Variants in EPM2A observed in about 807,000 individuals in gnomAD.
EPM2A encodes the protein laforin.
In EPM2A, 21 loss-of-function variants were observed where a neutral mutation model predicts 26.5. That is an observed-to-expected ratio of 0.79 (90% CI 0.56 to 1.14). EPM2A has a LOEUF of 1.14. EPM2A is among the 50% of genes most tolerant of loss of function. The pLI, the probability that EPM2A is intolerant of heterozygous loss-of-function variation, is 0.00. For synonymous variants in EPM2A, 217 were observed against 177.6 expected (o/e 1.22, Z -1.76); for missense variants, 458 against 440.8 (o/e 1.04, Z -0.35).
intron 2 of EPM2A, among the ~76,000 whole-genome samples, chr6:145,676,286 G>A (rs1780031544): frequency 6.6e-6 from 1 of 152,140 alleles, no homozygotes; most frequent in South Asian, 2.1e-4. Context: ...AGTGTGTAGA[G>A]GGAAATTTAT....
At chr6:145,721,670 ACTCT>A (rs1775956641) in intron 1 of EPM2A, 1 of 152,078 alleles carries the variant, frequency 6.6e-6, no homozygotes, top group Non-Finnish European at 1.5e-5. Flanking sequence ...ATGAGCATTC[ACTCT>A]CATTCATTCA....
chr6:145,578,435 A>T (rs1463389785), intron 2 of EPM2A, among the ~76,000 whole-genome samples: 1 of 152,212 alleles, frequency 6.6e-6, no homozygotes, highest in Non-Finnish European at 1.5e-5. Context: ...ACATTGAGAA[A>T]CCTAGAAGAA....
Position 145,661,647 on chromosome 6 carries a change from A to G in EPM2A, c.476+24475T>C, listed in dbSNP as rs569343752. ...TTTCAGTAGGAAATAGTGTTAAACA[A>G]TCTCATGAAAAAGATTTTGAAACTA... On this transcript the variant is annotated intron_variant, in intron 2 of 3. Transcript: ENST00000367519. 1.8e-4 allele frequency among the ~76,000 whole-genome samples: 27 copies of G among 152,352 alleles called. 1 individual carries two copies. Among genetic ancestry groups the G allele is most frequent in the African/African-American group, 5.8e-4 (24 of 41,592 alleles).
intron 4 of EPM2A, among the ~76,000 whole-genome samples, chr6:145,477,949 A>G (rs907289123): frequency 2.0e-5 from 3 of 151,934 alleles, no homozygotes; most frequent in Non-Finnish European, 2.9e-5. Context: ...AAAAAGAGAA[A>G]GATATAAAGG....
chr6:145,729,376 C>T (rs1054960564), intron 1 of EPM2A, among the ~76,000 whole-genome samples: 1 of 152,228 alleles, frequency 6.6e-6, no homozygotes, highest in South Asian at 2.1e-4. Flanking sequence ...ACACTCAATA[C>T]CAGCTCATGA....
chr6:145,559,632 A>G (rs1780777209), intron 2 of EPM2A, among the ~76,000 whole-genome samples: 1 of 151,254 alleles, frequency 6.6e-6, no homozygotes, highest in Non-Finnish European at 1.5e-5. Flanking sequence ...CTTCTTCACA[A>G]TTTTGCCTAT....
chr6:145,653,435 G>A (rs1778035554), intron 2 of EPM2A, among the ~76,000 whole-genome samples: 1 of 152,164 alleles, frequency 6.6e-6, no homozygotes, highest in South Asian at 2.1e-4. Flanking sequence ...GGAACTGTGA[G>A]TCAATTAAAC....
At chr6:145,627,843 A>G in intron 3 of EPM2A, 150 bp from the exon 4 acceptor site, 2 of 1,121,852 alleles carry the variant, frequency 1.8e-6, no homozygotes, top group African/African-American at 1.6e-5. Context: ...TGTGAAGGAA[A>G]AAGTGAGACC....
Position 145,649,700 on chromosome 6 carries a change from C to T in EPM2A, c.477-14214G>A, listed in dbSNP as rs373989148. On this transcript the variant is annotated intron_variant, in intron 2 of 3. Transcript: ENST00000367519. ...TAGCTCATGGGCCAAATTCAGTCTT[C>T]CACCTATTTTTGTAAATAAAGTTTT... Among the ~76,000 whole-genome samples the T allele has an allele frequency of 1.1e-4, 17 of 152,302 alleles. No individual in the cohort carries two copies. The South Asian group carries it at 3.5e-3, about 32-fold the overall frequency.
At chr6:145,680,241 T>C (rs1370055261) in intron 2 of EPM2A, 1 of 151,784 alleles carries the variant, frequency 6.6e-6, no homozygotes, top group Non-Finnish European at 1.5e-5. Flanking sequence ...AACACATGTT[T>C]AAAGAATTGG....
At chr6:145,673,467 G>A (rs922616658) in intron 2 of EPM2A, among the ~76,000 whole-genome samples, 6 of 152,162 alleles carry the variant, frequency 3.9e-5, no homozygotes, top group African/African-American at 1.2e-4. Flanking sequence ...AAAGCAGGGC[G>A]GCGCATTGCC....
At chr6:145,690,779 G>A (rs1781233066) in intron 1 of EPM2A, among the ~76,000 whole-genome samples, 1 of 151,982 alleles carries the variant, frequency 6.6e-6, no homozygotes, top group African/African-American at 2.4e-5. Context: ...GAATGTCTCA[G>A]CAATGGAATG....
chr6:145,574,959 T>C (rs1442892557), intron 2 of EPM2A, among the ~76,000 whole-genome samples: 3 of 152,188 alleles, frequency 2.0e-5, no homozygotes, highest in African/African-American at 7.2e-5. Context: ...TCTTTTCAAG[T>C]GTAGTGCACC....
intron 1 of EPM2A, among the ~76,000 whole-genome samples, chr6:145,716,914 C>A (rs1344772514): frequency 6.6e-6 from 1 of 152,024 alleles, no homozygotes; most frequent in African/African-American, 2.4e-5. Context: ...AATTGCAACA[C>A]AAAAATAAAT....
intron 1 of EPM2A, among the ~76,000 whole-genome samples, chr6:145,689,972 T>C (rs1049632912): frequency 4.6e-5 from 7 of 152,030 alleles, no homozygotes; most frequent in Admixed American, 2.6e-4. Flanking sequence ...TCCACCTCCT[T>C]CCCACCCGAC....
intron 4 of EPM2A, among the ~76,000 whole-genome samples, chr6:145,386,395 C>T (rs1031016251): frequency 7.2e-5 from 11 of 151,816 alleles, no homozygotes; most frequent in African/African-American, 1.9e-4. Flanking sequence ...CGAGAGTTAT[C>T]GAAATCATGT....
chr6:145,448,497 C>T (rs749602352), intron 4 of EPM2A, among the ~76,000 whole-genome samples: 1 of 152,108 alleles, frequency 6.6e-6, no homozygotes, highest in Non-Finnish European at 1.5e-5. Context: ...TCCTTACCTA[C>T]AAAATACAAA....
At chr6:145,696,808 TG>T (rs1781609889) in intron 1 of EPM2A, among the ~76,000 whole-genome samples, 1 of 151,006 alleles carries the variant, frequency 6.6e-6, no homozygotes, top group Non-Finnish European at 1.5e-5. Flanking sequence ...TGTGTGTGTG[TG>T]TGTGTGTGTG....
At chr6:145,627,778 T>C in intron 3 of EPM2A, 85 bp from the exon 4 acceptor site, 1 of 1,561,888 alleles carries the variant, frequency 6.4e-7, no homozygotes, top group Non-Finnish European at 8.6e-7. Flanking sequence ...CAGCCTGAAA[T>C]CACAGGGCTG....
Sources: allele counts gnomAD v4.1 joint callset (sites outside exome capture counted in the v4.1 genomes callset), GRCh38; gene constraint gnomAD v4.1.1; transcripts MANE v1.5; gene names NCBI Gene and HGNC (gene_info 2026-07-23, HGNC 2026-07-21).